The following SLIT2 variants were observed in gnomAD, a reference collection of about 807,000 sequenced individuals.
The protein encoded by SLIT2 is slit homolog 2 protein.
Under a neutral mutation model 185.7 loss-of-function variants are expected in SLIT2, and 41 were observed. The observed-to-expected ratio is 0.22, with a 90% confidence interval of 0.17 to 0.29. The LOEUF is 0.29. SLIT2 is among the 10% of genes least tolerant of loss of function. The pLI is 1.00. For missense variants in SLIT2, 1,571 were observed against 1,909.0 expected (o/e 0.82, Z 3.30); for synonymous variants, 693 against 680.2 (o/e 1.02, Z -0.29).
At chr4:20,310,579 T>G (rs531124897) in intron 4 of SLIT2, among the ~76,000 whole-genome samples, 1 of 152,318 alleles carries the variant, frequency 6.6e-6, no homozygotes, top group South Asian at 2.1e-4. Flanking sequence ...ATTTGCCTTC[T>G]CTAGATTATT....
intron 4 of SLIT2, among the ~76,000 whole-genome samples, chr4:20,273,922 G>A (rs972162515): frequency 6.6e-6 from 1 of 152,126 alleles, no homozygotes; most frequent in Non-Finnish European, 1.5e-5. Flanking sequence ...CAATAAATCC[G>A]ACTGTGATTG....
chr4:20,393,327 T>G (rs1221829598), intron 4 of SLIT2: 1 of 152,104 alleles, frequency 6.6e-6, no homozygotes, highest in Non-Finnish European at 1.5e-5. Context: ...ATTACATTTC[T>G]GTTCTCCTCC....
intron 36 of SLIT2, among the ~76,000 whole-genome samples, chr4:20,618,160 T>C (rs1487762453): frequency 6.6e-6 from 1 of 152,166 alleles, no homozygotes; most frequent in Admixed American, 6.5e-5. Context: ...CAGGCTGACT[T>C]CTTAGTTCAC....
Position 20,617,419 on chromosome 4 carries a change from T to C in SLIT2, c.4137-20T>C. Reference sequence around the variant, plus strand: ...CCTCTTCTGAATGCATTCCCACTCCTGTGTTCCTCCTCCCTGTAGATGCGT... The same window carrying C: ...CCTCTTCTGAATGCATTCCCACTCCCGTGTTCCTCCTCCCTGTAGATGCGT... On this transcript the variant is annotated intron_variant, in intron 35 of 36. Transcript: ENST00000504154. The C allele has an allele frequency of 6.2e-7, 1 of 1,606,202 alleles. No homozygotes were observed. The highest frequency in any genetic ancestry group is 8.5e-7 in the Non-Finnish European group (1 of 1,173,054).
chr4:20,618,804 A>T lies in SLIT2; in HGVS notation c.4385A>T (p.Tyr1462Phe). 6.2e-7 allele frequency: 1 copy of T among 1,609,084 alleles called. No individual in the cohort carries two copies. The highest frequency in any genetic ancestry group is 8.5e-7 in the Non-Finnish European group (1 of 1,175,834). Residue 1462 changes from tyrosine to phenylalanine, a missense_variant, in exon 37 of 37, where the codon TAC becomes TTC. Around this residue, in one of 3 missense-constraint regions of SLIT2, gnomAD observed 223 missense variants for 245.2 expected, o/e 0.91. Transcript: ENST00000504154. The stretch of plus-strand genomic sequence containing the variant: ...CGAGGGGAAAGGATAAGAGATTATT[A>T]CCAAAAGCAGCAGGGCTATGCTGCT... ...SCRGERIRDY[Y>F]QKQQGYAACQ...
At position 20,423,354 on chromosome 4, in the gene SLIT2, C is replaced by T. The variant is rs560516363; in HGVS notation, c.396-44398C>T. ...TTGAAATACTCATTATTTACATTTT[C>T]TGCAACATCCCCGAATATTTACCAA... On this transcript the variant is annotated intron_variant, in intron 4 of 36. Transcript: ENST00000504154. 7.0e-4 allele frequency among the ~76,000 whole-genome samples: 105 copies of T among 150,856 alleles called. No individual in the cohort carries two copies. The South Asian group carries it at 0.014, about 20-fold the overall frequency.
At chr4:20,585,846 G>T (rs1432637822) in intron 29 of SLIT2, among the ~76,000 whole-genome samples, 1 of 152,078 alleles carries the variant, frequency 6.6e-6, no homozygotes, top group African/African-American at 2.4e-5. Flanking sequence ...CACTAACTCA[G>T]TACTAGCTCT....
intron 33 of SLIT2, among the ~76,000 whole-genome samples, chr4:20,600,567 C>T (rs1022983903): frequency 1.3e-5 from 2 of 151,896 alleles, no homozygotes; most frequent in Non-Finnish European, 2.9e-5. Flanking sequence ...GGACTACGGG[C>T]ACCCACCACT....
In SLIT2 at chr4:20,365,056, T is replaced by G. The variant is rs138430735; in HGVS notation, c.395+96175T>G. ...TTCCAGCTTCGACTCACTGCTTCAT[T>G]CCCCCAGTTGCCTAAACTCTATGTT... On this transcript the variant is annotated intron_variant, in intron 4 of 36. Transcript: ENST00000504154. Among the ~76,000 whole-genome samples, 238 of 152,208 alleles carry G rather than the reference T, an allele frequency of 1.6e-3. 1 individual carries two copies. Among genetic ancestry groups the G allele is most frequent in the South Asian group, 0.015 (70 of 4,824 alleles).
At chr4:20,410,440 G>C (rs1727152630) in intron 4 of SLIT2, among the ~76,000 whole-genome samples, 1 of 150,690 alleles carries the variant, frequency 6.6e-6, no homozygotes, top group Non-Finnish European at 1.5e-5. Context: ...ATTGTTAGTA[G>C]AGATGGGGTT....
At chr4:20,424,276 T>C (rs1728382673) in intron 4 of SLIT2, among the ~76,000 whole-genome samples, 1 of 152,024 alleles carries the variant, frequency 6.6e-6, no homozygotes. Context: ...TATTGTTCTC[T>C]GACAGGTCTT....
rs76595748 is a variant in SLIT2 at position 20,419,576 on chromosome 4, A to T, written c.396-48176A>T. On this transcript the variant is annotated intron_variant, in intron 4 of 36. Transcript: ENST00000504154. ...CTGCCTGTATTACCTAAAGCAATTG[A>T]CATAACCTCTCTGATATTCAATTTT... is the stretch of plus-strand genomic sequence containing the variant. Among the ~76,000 whole-genome samples the T allele has an allele frequency of 2.2e-3, 330 of 152,112 alleles. 8 individuals are homozygous for T. The East Asian group carries it at 0.052, about 24-fold the overall frequency.
intron 4 of SLIT2, among the ~76,000 whole-genome samples, chr4:20,357,064 A>T (rs1465497769): frequency 2.0e-5 from 3 of 152,232 alleles, no homozygotes; most frequent in South Asian, 2.1e-4. Flanking sequence ...AAATTTTGTT[A>T]AACCAGCATT....
At chr4:20,257,186 A>T (rs893301205) in intron 2 of SLIT2, among the ~76,000 whole-genome samples, 1 of 152,102 alleles carries the variant, frequency 6.6e-6, no homozygotes, top group African/African-American at 2.4e-5. Context: ...CAACCATTCA[A>T]ATTTTCAGCA....
At chr4:20,547,935 C>T (rs1577903805) in intron 22 of SLIT2, among the ~76,000 whole-genome samples, 1 of 152,106 alleles carries the variant, frequency 6.6e-6, no homozygotes, top group East Asian at 1.9e-4. Context: ...CAGCCAGGGG[C>T]AGGAGCACAG....
chr4:20,451,283 T>C (rs772963030), intron 4 of SLIT2, among the ~76,000 whole-genome samples: 6 of 152,184 alleles, frequency 3.9e-5, no homozygotes, highest in Non-Finnish European at 5.9e-5. Context: ...AAATAAAAAC[T>C]TTACATTTCC....
At chr4:20,379,951 G>T (rs1724357148) in intron 4 of SLIT2, among the ~76,000 whole-genome samples, 1 of 152,060 alleles carries the variant, frequency 6.6e-6, no homozygotes, top group Non-Finnish European at 1.5e-5. Context: ...CATAGAGGAA[G>T]AAACTACCTA....
chr4:20,264,048 T>C (rs547033807), intron 3 of SLIT2, among the ~76,000 whole-genome samples: 2 of 151,968 alleles, frequency 1.3e-5, no homozygotes, highest in African/African-American at 2.4e-5. Flanking sequence ...TCTGAGTCTA[T>C]AGAGAAATAC....
chr4:20,463,292 C>G (rs73252415), intron 4 of SLIT2, among the ~76,000 whole-genome samples: 2 of 151,748 alleles, frequency 1.3e-5, no homozygotes, highest in Non-Finnish European at 2.9e-5. Flanking sequence ...CAGTTTTAAA[C>G]AAGTTTCACA....
Sources: gnomAD v4.1 joint callset for allele counts (sites outside exome capture counted in the v4.1 genomes callset) on GRCh38, gnomAD v4.1.1 for gene constraint, gnomAD v4.1.1 regional missense constraint, MANE v1.5 for transcripts, NCBI Gene and HGNC (gene_info 2026-07-23, HGNC 2026-07-21) for gene names.